Variants in MLLT3 observed in about 807,000 individuals in gnomAD.
MLLT3 encodes the protein protein AF-9.
Under a neutral mutation model 53.2 loss-of-function variants are expected in MLLT3, and 4 were observed. That is an observed-to-expected ratio of 0.08 (90% CI 0.04 to 0.17). MLLT3 has a LOEUF of 0.17. Ranked by LOEUF, MLLT3 falls within the 10% of genes least tolerant of loss-of-function variation. The pLI is 1.00. For synonymous variants in MLLT3, 283 were observed against 230.6 expected (o/e 1.23, Z -2.06); for missense variants, 569 against 684.0 (o/e 0.83, Z 1.87).
intron 4 of MLLT3, among the ~76,000 whole-genome samples, chr9:20,429,147 C>T (rs1342213432): frequency 6.6e-6 from 1 of 152,116 alleles, no homozygotes; most frequent in Non-Finnish European, 1.5e-5. Flanking sequence ...GAAGAGTGCT[C>T]TCTTGAGGCC....
chr9:20,441,376 CT>C (rs1453324764), intron 4 of MLLT3, among the ~76,000 whole-genome samples: 1 of 152,140 alleles, frequency 6.6e-6, no homozygotes, highest in Non-Finnish European at 1.5e-5. Context: ...CATGACCATG[CT>C]TTCCCTGAAA....
In MLLT3 at chr9:20,485,199, C is replaced by T. The variant is rs367838311; in HGVS notation, c.194-28413G>A. On this transcript the variant is annotated intron_variant, in intron 2 of 10. Coordinates refer to ENST00000380338, the MANE Select transcript of MLLT3 (RefSeq NM_004529.4). ...AGACGGGGTTTCACCATGTTAGGCA[C>T]GCTGGTCTTGAGCTCCTGACCTCAG... Among the ~76,000 whole-genome samples the T allele has an allele frequency of 7.2e-5, 11 of 152,044 alleles. No individual in the cohort carries two copies. In the South Asian group the frequency reaches 1.5e-3, roughly 20 times the overall value.
At chr9:20,577,671 C>T (rs928308365) in intron 2 of MLLT3, among the ~76,000 whole-genome samples, 1 of 152,204 alleles carries the variant, frequency 6.6e-6, no homozygotes, top group African/African-American at 2.4e-5. Flanking sequence ...CTGCCAGACA[C>T]AGCCATGACA....
chr9:20,346,327 T>C lies in MLLT3; in HGVS notation c.*116A>G, dbSNP rs774864484. On this transcript the variant is annotated 3_prime_UTR_variant, in exon 11 of 11. Coordinates refer to ENST00000380338, the MANE Select transcript of MLLT3 (RefSeq NM_004529.4). The stretch of plus-strand genomic sequence containing the variant: ...TTGATTTTTATTTTTTCCCTTTTGG[T>C]TGCATCATTTTGAGTGTTTTCATAT... 3.9e-6 allele frequency: 4 copies of C among 1,035,928 alleles called. No homozygotes were observed. In the Admixed American group the frequency reaches 9.3e-5, roughly 24 times the overall value. The allele number at this position is 1,035,928 out of a possible 1,614,324, so 64.2% of individuals were successfully genotyped here.
chr9:20,431,915 G>A (rs773002954), intron 4 of MLLT3, among the ~76,000 whole-genome samples: 1 of 151,978 alleles, frequency 6.6e-6, no homozygotes, highest in African/African-American at 2.4e-5. Context: ...TAAAAAATAA[G>A]CAAAGATGAG....
chr9:20,395,820 G>A (rs1188279952), intron 5 of MLLT3, among the ~76,000 whole-genome samples: 1 of 152,136 alleles, frequency 6.6e-6, no homozygotes, highest in African/African-American at 2.4e-5. Context: ...AAACATGCCA[G>A]CCAAGTCTGC....
chr9:20,405,311 T>C (rs929507156), intron 5 of MLLT3, among the ~76,000 whole-genome samples: 9 of 152,230 alleles, frequency 5.9e-5, no homozygotes, highest in African/African-American at 2.2e-4. Context: ...CTACATTTTA[T>C]TTCTTACTCT....
intron 3 of MLLT3, among the ~76,000 whole-genome samples, chr9:20,454,271 G>GTGTGCACACGCATGCGTGTT: frequency 6.6e-6 from 1 of 152,214 alleles, no homozygotes; most frequent in South Asian, 2.1e-4. Context: ...GCATGCGTGT[G>GTGTGCACACGCATGCGTGTT]TGTGCGTGCG....
chr9:20,513,130 C>T (rs1197678369), intron 2 of MLLT3, among the ~76,000 whole-genome samples: 3 of 152,164 alleles, frequency 2.0e-5, no homozygotes, highest in East Asian at 3.9e-4. Context: ...TTACAGTGTA[C>T]CTTTCATGAG....
chr9:20,485,232 G>T (rs185552144), intron 2 of MLLT3, among the ~76,000 whole-genome samples: 1 of 152,014 alleles, frequency 6.6e-6, no homozygotes, highest in African/African-American at 2.4e-5. Flanking sequence ...CAGGTGATCC[G>T]CCCGCCTTGG....
At chr9:20,554,226 A>G (rs995062783) in intron 2 of MLLT3, among the ~76,000 whole-genome samples, 4 of 152,118 alleles carry the variant, frequency 2.6e-5, no homozygotes, top group African/African-American at 7.2e-5. Context: ...CCAAAAACTT[A>G]ATTTCCTGTA....
intron 2 of MLLT3, among the ~76,000 whole-genome samples, chr9:20,489,020 A>C (rs1286481634): frequency 6.6e-6 from 1 of 152,240 alleles, no homozygotes; most frequent in Non-Finnish European, 1.5e-5. Flanking sequence ...GAAGATAGAC[A>C]TATTTTTAGA....
chr9:20,597,571 C>G (rs1274158562), intron 2 of MLLT3, among the ~76,000 whole-genome samples: 2 of 152,148 alleles, frequency 1.3e-5, no homozygotes, highest in Non-Finnish European at 2.9e-5. Flanking sequence ...ATCCCTCCTT[C>G]TTCTTACTAT....
At chr9:20,527,276 G>C (rs977526051) in intron 2 of MLLT3, among the ~76,000 whole-genome samples, 3 of 152,090 alleles carry the variant, frequency 2.0e-5, no homozygotes, top group African/African-American at 4.8e-5. Flanking sequence ...ATATGCAAAA[G>C]CATAAAGAGC....
At chr9:20,384,681 T>C (rs1212623528) in intron 5 of MLLT3, among the ~76,000 whole-genome samples, 2 of 152,074 alleles carry the variant, frequency 1.3e-5, no homozygotes, top group East Asian at 3.9e-4. Flanking sequence ...GTGATGGAGT[T>C]CTGATAAATA....
At chr9:20,358,417 T>C (rs538197448) in intron 8 of MLLT3, among the ~76,000 whole-genome samples, 191 of 152,320 alleles carry the variant, frequency 1.3e-3, no homozygotes, top group African/African-American at 4.3e-3. Context: ...GATTCACATG[T>C]GTGAAGCAAC....
intron 6 of MLLT3, among the ~76,000 whole-genome samples, chr9:20,363,830 C>CT (rs1489036885): frequency 1.3e-5 from 2 of 152,100 alleles, no homozygotes; most frequent in African/African-American, 2.4e-5. Context: ...TAAAGAATCT[C>CT]TATTTTCTAG....
intron 5 of MLLT3, among the ~76,000 whole-genome samples, chr9:20,381,718 T>C (rs1270495928): frequency 2.0e-5 from 3 of 151,938 alleles, no homozygotes; most frequent in Non-Finnish European, 4.4e-5. Context: ...CAAGGGATAC[T>C]CTGTTATTTT....
chr9:20,593,326 G>A (rs1453640172), intron 2 of MLLT3, among the ~76,000 whole-genome samples: 7 of 152,250 alleles, frequency 4.6e-5, no homozygotes, highest in African/African-American at 9.6e-5. Context: ...CTGGGACCTC[G>A]AGAGGAGAGG....
Sources: allele counts gnomAD v4.1 joint callset (sites outside exome capture counted in the v4.1 genomes callset), GRCh38; gene constraint gnomAD v4.1.1; transcripts MANE v1.5; gene names NCBI Gene and HGNC (gene_info 2026-07-23, HGNC 2026-07-21).